Variants in SYPL2 observed in about 807,000 individuals in gnomAD.
SYPL2 encodes synaptophysin-like protein 2.
A neutral mutation model predicts 31.3 loss-of-function variants in SYPL2; 24 were observed. That is an observed-to-expected ratio of 0.77 (90% CI 0.56 to 1.08). The LOEUF is 1.08. Among genes scored for constraint, SYPL2 ranks in the 50% least tolerant of loss-of-function variants. The probability of loss-of-function intolerance (pLI) is 0.00; values close to 1 mark genes in which losing one functional copy is unlikely to be tolerated. For missense variants in SYPL2, 342 were observed against 360.1 expected, an observed-to-expected ratio of 0.95 and a Z score of 0.41; for synonymous variants, 144 against 143.1, an observed-to-expected ratio of 1.01 and a Z score of -0.05.
At position 109,479,619 on chromosome 1, in the gene SYPL2, C is replaced by T; in HGVS notation, c.*71C>T. On this transcript the variant is annotated 3_prime_UTR_variant, in exon 6 of 6. Coordinates refer to ENST00000369872, the MANE Select transcript of SYPL2 (RefSeq NM_001040709.2). ...ACCACCTCCGGCTTCCAGGACCTTTCTCTTCCTCCTCCTCCAATTCCCCTC... is the reference window on the plus strand; with the variant it reads ...ACCACCTCCGGCTTCCAGGACCTTTTTCTTCCTCCTCCTCCAATTCCCCTC... The T allele has an allele frequency of 6.5e-7, 1 of 1,549,388 alleles. No homozygotes were observed. Among genetic ancestry groups the T allele is most frequent in the South Asian group, 1.2e-5 (1 of 82,728 alleles).
At chr1:109,472,249 T>C (rs538213583) in intron 2 of SYPL2, among the ~76,000 whole-genome samples, 1 of 152,206 alleles carries the variant, frequency 6.6e-6, no homozygotes, top group Admixed American at 6.5e-5. Flanking sequence ...CCAGAGTAGC[T>C]GGGACCACAG....
rs776600339 is a variant in SYPL2, at chr1:109,467,047, G to C, written c.55-12G>C. 6.5e-7 allele frequency: 1 copy of C among 1,543,984 alleles called. No homozygotes were observed. Among genetic ancestry groups the C allele is most frequent in the East Asian group, 2.4e-5 (1 of 40,862 alleles). On this transcript the variant is annotated splice_polypyrimidine_tract_variant and intron_variant, in intron 1 of 5. Transcript: ENST00000369872. ...CACCGCCCTGACCCCCCGGCCGGCT[G>C]TGTCTCCGCAGGTGGACCGCCTACT...
intron 2 of SYPL2, among the ~76,000 whole-genome samples, chr1:109,472,951 T>A (rs1655879460): frequency 6.6e-6 from 1 of 152,060 alleles, no homozygotes. Flanking sequence ...TAAGGAGCCA[T>A]TCACTGACTA....
At chr1:109,466,964 C>G (rs912077256) in intron 1 of SYPL2, 67 bp downstream of exon 1, 48 of 1,534,880 alleles carry the variant, frequency 3.1e-5, no homozygotes, top group South Asian at 7.1e-5. Flanking sequence ...GCACACTTAT[C>G]CCACCCCTGG....
chr1:109,476,101 A>G (rs1200498997), intron 3 of SYPL2, among the ~76,000 whole-genome samples: 1 of 152,166 alleles, frequency 6.6e-6, no homozygotes, highest in Admixed American at 6.5e-5. Flanking sequence ...TACATCCTAA[A>G]GAGTTGATGT....
At position 109,479,522 on chromosome 1, in the gene SYPL2, G is replaced by C. The variant is rs1656104114; in HGVS notation, c.793G>C (p.Glu265Gln). 10 of 1,614,156 alleles carry C rather than the reference G, an allele frequency of 6.2e-6. No homozygotes were observed. The East Asian group carries it at 2.2e-4, about 36-fold the overall frequency. ...GQGPSQESAA[E>Q]QGAVEKQ ...GGGTCCCAGCCAGGAGAGTGCAGCT[G>C]AGCAGGGAGCAGTGGAGAAGCAGTA... The change falls in exon 6 of 6, where the codon GAG becomes CAG. Residue 265 changes from glutamate to glutamine, a missense_variant. Physicochemically the swap from Glu to Gln is conservative, Grantham distance 29 (BLOSUM62 2). Coordinates refer to ENST00000369872, the MANE Select transcript of SYPL2 (RefSeq NM_001040709.2).
chr1:109,468,573 T>C (rs1265751149), intron 2 of SYPL2, among the ~76,000 whole-genome samples: 1 of 152,146 alleles, frequency 6.6e-6, no homozygotes, highest in Non-Finnish European at 1.5e-5. Context: ...GGGAGCCATA[T>C]AAAAATGATA....
Position 109,479,518 on chromosome 1 carries a change from A to T in SYPL2, c.789A>T (p.Ala263=), listed in dbSNP as rs1295801109. ...GCCAGGGTCCCAGCCAGGAGAGTGC[A>T]GCTGAGCAGGGAGCAGTGGAGAAGC... ...DQGQGPSQES[A]AEQGAVEKQ Residue 263 remains alanine (A), a synonymous_variant, in exon 6 of 6, where the codon GCA becomes GCT. Coordinates refer to ENST00000369872, the MANE Select transcript of SYPL2 (RefSeq NM_001040709.2). 5 of 1,614,088 alleles carry T rather than the reference A, an allele frequency of 3.1e-6. No homozygotes were observed. The African/African-American group carries it at 6.7e-5, about 22-fold the overall frequency.
At chr1:109,472,529 G>C (rs1655863886) in intron 2 of SYPL2, among the ~76,000 whole-genome samples, 1 of 151,830 alleles carries the variant, frequency 6.6e-6, no homozygotes, top group Non-Finnish European at 1.5e-5. Flanking sequence ...TTTCAGGAGA[G>C]TGCTGGTGAA....
Sources: allele counts gnomAD v4.1 joint callset (sites outside exome capture counted in the v4.1 genomes callset), GRCh38; gene constraint gnomAD v4.1.1; transcripts MANE v1.5; gene names NCBI Gene and HGNC (gene_info 2026-07-23, HGNC 2026-07-21).